GNAI1: variants seen among roughly 807,000 people sequenced by gnomAD.
The protein encoded by GNAI1 is guanine nucleotide-binding protein G(i) subunit alpha-1.
Under a neutral mutation model 38.9 loss-of-function variants are expected in GNAI1, and 11 were observed. The ratio of observed to expected loss-of-function variants is 0.28; its 90% confidence interval spans 0.18 to 0.47. The LOEUF is 0.47. GNAI1 is among the 20% of genes least tolerant of loss of function. GNAI1 has a pLI of 0.99. For missense variants in GNAI1, 317 were observed against 436.9 expected, an observed-to-expected ratio of 0.73 and a Z score of 2.45; for synonymous variants, 166 against 145.1, an observed-to-expected ratio of 1.14 and a Z score of -1.04.
chr7:80,217,102 C>T (rs1045477206), intron 7 of GNAI1, among the ~76,000 whole-genome samples: 4 of 151,410 alleles, frequency 2.6e-5, no homozygotes, highest in Non-Finnish European at 5.9e-5. Flanking sequence ...ATAACTTAGT[C>T]ATTAAAGGTA....
At chr7:80,193,793 C>T (rs2115650089) in intron 3 of GNAI1, among the ~76,000 whole-genome samples, 1 of 152,202 alleles carries the variant, frequency 6.6e-6, no homozygotes, top group South Asian at 2.1e-4. Context: ...TTTTGTGTGT[C>T]ATTTAATTTT....
intron 1 of GNAI1, among the ~76,000 whole-genome samples, chr7:80,184,191 G>A (rs572617302): frequency 6.6e-6 from 1 of 152,300 alleles, no homozygotes; most frequent in South Asian, 2.1e-4. Flanking sequence ...GGGGCATAAG[G>A]TAGGGAGACC....
Position 80,218,959 on chromosome 7 carries a change from T to G in GNAI1, c.*1466T>G, listed in dbSNP as rs1789023827. ...TTTTTTTACTCATCTTGGAAAAGGT[T>G]AGTCTTTCAGTACACGTTGCTGGTA... is the stretch of plus-strand genomic sequence containing the variant. On this transcript the variant is annotated 3_prime_UTR_variant, in exon 8 of 8. Transcript: ENST00000649796. 6.6e-6 allele frequency: 1 copy of G among 152,246 alleles called. No homozygotes were observed. The highest frequency in any genetic ancestry group is 1.5e-5 in the Non-Finnish European group (1 of 68,032). 9.4% of individuals were successfully genotyped at this position (152,246 alleles called of 1,614,324 possible). A position where few individuals can be genotyped will look rare whatever the true frequency, so the allele number is the denominator to read the frequency against.
At chr7:80,204,997 G>A (rs1788749122) in intron 5 of GNAI1, among the ~76,000 whole-genome samples, 1 of 152,076 alleles carries the variant, frequency 6.6e-6, no homozygotes, top group South Asian at 2.1e-4. Context: ...TAAAGAGGCA[G>A]AAGTTCTTTT....
In GNAI1 at chr7:80,202,182, C is replaced by T. The variant is rs1788698938; in HGVS notation, c.462-1522C>T. 2.6e-5 allele frequency among the ~76,000 whole-genome samples: 4 copies of T among 152,184 alleles called. No homozygotes were observed. The East Asian group carries it at 7.7e-4, about 29-fold the overall frequency. On this transcript the variant is annotated intron_variant, in intron 4 of 7. Transcript: ENST00000649796. ...TTGGCTCACTGCAACCTGGGCCTCCCAGGTGCAAGCGATTCTCCTGCCTCA... is the reference window on the plus strand; with the variant it reads ...TTGGCTCACTGCAACCTGGGCCTCCTAGGTGCAAGCGATTCTCCTGCCTCA...
Position 80,223,201 on chromosome 7 carries a change from C to T in GNAI1, c.*5708C>T, listed in dbSNP as rs1789109146. 6.6e-6 allele frequency among the ~76,000 whole-genome samples: 1 copy of T among 152,188 alleles called. No individual in the cohort carries two copies. The highest frequency in any genetic ancestry group is 6.5e-5 in the Admixed American group (1 of 15,280). ...GTAGGACTCTTGAGAGCCTAAGGGC[C>T]ACAGAAATTCCTTTTCCAACTGCAG... On this transcript the variant is annotated 3_prime_UTR_variant, in exon 8 of 8. Coordinates refer to ENST00000649796, the MANE Select transcript of GNAI1 (RefSeq NM_002069.6).
intron 3 of GNAI1, among the ~76,000 whole-genome samples, chr7:80,191,240 A>T (rs1405922690): frequency 2.6e-5 from 4 of 151,952 alleles, no homozygotes. Flanking sequence ...GGGCTTTTGC[A>T]GTTGTGCTAA....
At chr7:80,205,860 T>C (rs1788765630) in intron 5 of GNAI1, among the ~76,000 whole-genome samples, 1 of 152,170 alleles carries the variant, frequency 6.6e-6, no homozygotes, top group Admixed American at 6.5e-5. Context: ...TTAAAAATTG[T>C]ATGATTCAAC....
chr7:80,182,666 G>T (rs1788315280), intron 1 of GNAI1, among the ~76,000 whole-genome samples: 1 of 152,194 alleles, frequency 6.6e-6, no homozygotes, highest in Non-Finnish European at 1.5e-5. Context: ...TACAAAAATA[G>T]CACAGAAAGA....
At chr7:80,179,410 C>G (rs569776532) in intron 1 of GNAI1, among the ~76,000 whole-genome samples, 3 of 152,126 alleles carry the variant, frequency 2.0e-5, no homozygotes, top group Non-Finnish European at 4.4e-5. Context: ...ATACTGCCAT[C>G]ATAGCTTCAG....
At chr7:80,214,308 C>T (rs1330412344) in intron 7 of GNAI1, among the ~76,000 whole-genome samples, 1 of 151,980 alleles carries the variant, frequency 6.6e-6, no homozygotes, top group East Asian at 1.9e-4. Flanking sequence ...AATAAGCTAC[C>T]CAGAGTCAAG....
At chr7:80,160,809 T>C (rs1204432528) in intron 1 of GNAI1, among the ~76,000 whole-genome samples, 1 of 152,196 alleles carries the variant, frequency 6.6e-6, no homozygotes, top group Non-Finnish European at 1.5e-5. Context: ...GCAAAAAGTA[T>C]ATTTTTTATA....
chr7:80,195,860 T>C (rs1387655207), intron 3 of GNAI1, among the ~76,000 whole-genome samples: 1 of 152,002 alleles, frequency 6.6e-6, no homozygotes, highest in Non-Finnish European at 1.5e-5. Context: ...AAAAAATTCC[T>C]CTAGTTGAGA....
At chr7:80,217,217 G>GTTTCATATGTATGAAACTGACTTCAA in intron 7 of GNAI1, 86 bp from the exon 8 acceptor site, 1 of 881,754 alleles carries the variant, frequency 1.1e-6, no homozygotes, top group Non-Finnish European at 1.7e-6. Flanking sequence ...ACTGACTTCA[G>GTTTCATATGTATGAAACTGACTTCAA]TTTCATATGT....
chr7:80,189,205 A>G lies in GNAI1; in HGVS notation c.277A>G (p.Ile93Val), dbSNP rs955811912. The G allele has an allele frequency of 6.2e-7, 1 of 1,610,636 alleles. No homozygotes were observed. Residue 93 changes from isoleucine to valine, a missense_variant, in exon 3 of 8, where the codon ATA becomes GTA. Physicochemically the swap from Ile to Val is conservative, Grantham distance 29. This residue lies in a region of GNAI1 where 67 missense variants were observed against 61.5 expected (regional missense o/e 1.09). Transcript: ENST00000649796. ...CATTAGGGCTATGGGGAGGTTGAAG[A>G]TAGACTTTGGTGACTCAGCCCGGGC... ...AIIRAMGRLK[I>V]DFGDSARADD...
intron 1 of GNAI1, among the ~76,000 whole-genome samples, chr7:80,170,812 A>G (rs1340475221): frequency 6.6e-6 from 1 of 152,158 alleles, no homozygotes; most frequent in Non-Finnish European, 1.5e-5. Context: ...TTGTCATGAG[A>G]TTTGGCTGGG....
chr7:80,135,824 C>T, intron 1 of GNAI1: 1 of 984,926 alleles, frequency 1.0e-6, no homozygotes, highest in Non-Finnish European at 1.2e-6. Flanking sequence ...CTTCCTATGG[C>T]GACTCCTTAA....
At chr7:80,143,878 C>A (rs554246185) in intron 1 of GNAI1, among the ~76,000 whole-genome samples, 4 of 151,026 alleles carry the variant, frequency 2.6e-5, no homozygotes, top group Admixed American at 6.6e-5. Context: ...ACATTAAATT[C>A]TTTTTATTGG....
chr7:80,175,364 A>G (rs201936736), intron 1 of GNAI1, among the ~76,000 whole-genome samples: 7 of 150,482 alleles, frequency 4.7e-5, no homozygotes, highest in South Asian at 2.1e-4. Flanking sequence ...GTGTATATTT[A>G]TGTGTGTGTG....
Sources: gnomAD v4.1 joint callset for allele counts (sites outside exome capture counted in the v4.1 genomes callset) on GRCh38, gnomAD v4.1.1 for gene constraint, gnomAD v4.1.1 regional missense constraint, MANE v1.5 for transcripts, NCBI Gene and HGNC (gene_info 2026-07-23, HGNC 2026-07-21) for gene names.